FRMD4A: variants seen among roughly 807,000 people sequenced by gnomAD.
FRMD4A encodes the protein FERM domain-containing protein 4A.
A neutral mutation model predicts 129.1 loss-of-function variants in FRMD4A; 29 were observed. That is an observed-to-expected ratio of 0.22 (90% CI 0.17 to 0.31). The LOEUF (loss-of-function observed/expected upper bound fraction) is 0.31. Ranked by LOEUF, FRMD4A falls within the 10% of genes least tolerant of loss-of-function variation. FRMD4A has a pLI of 1.00. For synonymous variants in FRMD4A, 634 were observed against 571.6 expected, an observed-to-expected ratio of 1.11 and a Z score of -1.56; for missense variants, 1,272 against 1,375.8, an observed-to-expected ratio of 0.92 and a Z score of 1.19.
chr10:13,885,056 G>A (rs181241583), intron 2 of FRMD4A, among the ~76,000 whole-genome samples: 1 of 152,298 alleles, frequency 6.6e-6, no homozygotes, highest in East Asian at 1.9e-4. Context: ...CAAGGTTGGA[G>A]AGGGGGAAAT....
chr10:13,924,624 A>G (rs1374391694), intron 2 of FRMD4A, among the ~76,000 whole-genome samples: 1 of 152,024 alleles, frequency 6.6e-6, no homozygotes, highest in Non-Finnish European at 1.5e-5. Flanking sequence ...ATTTTTCTTC[A>G]TGATGTTACT....
intron 2 of FRMD4A, among the ~76,000 whole-genome samples, chr10:14,046,179 T>C (rs1480006883): frequency 6.6e-6 from 1 of 152,112 alleles, no homozygotes; most frequent in Non-Finnish European, 1.5e-5. Context: ...CTTTGATATA[T>C]TCTATCATGC....
chr10:13,989,624 G>A (rs2095596330), intron 2 of FRMD4A, among the ~76,000 whole-genome samples: 1 of 152,170 alleles, frequency 6.6e-6, no homozygotes, highest in Non-Finnish European at 1.5e-5. Context: ...AACGCGCCCA[G>A]CCAATAATTG....
At chr10:13,750,060 G>T (rs1013899901) in intron 8 of FRMD4A, among the ~76,000 whole-genome samples, 1 of 90,340 alleles carries the variant, frequency 1.1e-5, no homozygotes, top group Non-Finnish European at 2.1e-5. Context: ...AAGGAAGGAA[G>T]GAAGGAAGGA....
intron 24 of FRMD4A, chr10:13,651,581 G>GAGAATCGCTTGAACC (rs2081583363): frequency 3.7e-6 from 1 of 269,796 alleles, no homozygotes; most frequent in African/African-American, 2.2e-5. Context: ...AGGGAGCCAG[G>GAGAATCGCTTGAACC]AGAATCGCTT....
At chr10:14,013,774 A>G (rs2095689522) in intron 2 of FRMD4A, among the ~76,000 whole-genome samples, 1 of 152,158 alleles carries the variant, frequency 6.6e-6, no homozygotes, top group Non-Finnish European at 1.5e-5. Flanking sequence ...TCTACCAAAA[A>G]TACAAAATTA....
At chr10:14,306,590 T>C (rs1421423947) in intron 2 of FRMD4A, among the ~76,000 whole-genome samples, 1 of 152,224 alleles carries the variant, frequency 6.6e-6, no homozygotes, top group African/African-American at 2.4e-5. Context: ...AGGCCTCTGC[T>C]CATTTTCTCC....
At chr10:14,316,955 G>A (rs1470957756) in intron 2 of FRMD4A, among the ~76,000 whole-genome samples, 3 of 152,166 alleles carry the variant, frequency 2.0e-5, no homozygotes, top group Non-Finnish European at 4.4e-5. Context: ...GTTCCCATGT[G>A]AAACTCAAGA....
In FRMD4A at chr10:14,278,259, C is replaced by T. The variant is rs545549501; in HGVS notation, c.45+51799G>A. Among the ~76,000 whole-genome samples the T allele has an allele frequency of 9.6e-4, 146 of 152,278 alleles. 1 individual carries two copies. The Middle Eastern group carries it at 0.01, about 11-fold the overall frequency. On this transcript the variant is annotated intron_variant, in intron 2 of 24. Transcript: ENST00000357447. Reference sequence around the variant, plus strand: ...TTTGCAAAGATATAACAGCTGAGGGCATAACTGATTTCTAAATTTCCTTTT... The same window carrying T: ...TTTGCAAAGATATAACAGCTGAGGGTATAACTGATTTCTAAATTTCCTTTT...
intron 6 of FRMD4A, among the ~76,000 whole-genome samples, chr10:13,770,468 G>T (rs2092424905): frequency 6.6e-6 from 1 of 151,970 alleles, no homozygotes; most frequent in South Asian, 2.1e-4. Flanking sequence ...TGTTGAGACA[G>T]GGTCTTGCTC....
intron 14 of FRMD4A, among the ~76,000 whole-genome samples, chr10:13,695,110 C>T (rs184414500): frequency 6.6e-6 from 1 of 152,096 alleles, no homozygotes; most frequent in East Asian, 1.9e-4. Flanking sequence ...TCTATGTTCA[C>T]ATTGACATTC....
intron 5 of FRMD4A, among the ~76,000 whole-genome samples, chr10:13,795,788 C>T (rs550439831): frequency 1.4e-4 from 21 of 152,278 alleles, no homozygotes; most frequent in African/African-American, 4.8e-4. Context: ...CAGACTTTGC[C>T]CCTGAACCCC....
chr10:13,730,859 CAA>C (rs10639026), intron 12 of FRMD4A, among the ~76,000 whole-genome samples: 37 of 90,846 alleles, frequency 4.1e-4, no homozygotes, highest in Admixed American at 1.9e-3. Flanking sequence ...ACTAAAAATA[CAA>C]AAAAAAAAAA....
At chr10:14,039,446 A>AAATC (rs67956646) in intron 2 of FRMD4A, among the ~76,000 whole-genome samples, 1,284 of 110,598 alleles carry the variant, frequency 0.012, 16 homozygotes, top group Non-Finnish European at 0.012. Flanking sequence ...TGGAACCCCA[A>AAATC]AATCAATCAA....
Position 13,701,472 on chromosome 10 carries a change from T to C in FRMD4A, c.843A>G (p.Ser281=). The C allele has an allele frequency of 6.2e-7, 1 of 1,613,128 alleles. No individual in the cohort carries two copies. The highest frequency in any genetic ancestry group is 8.5e-7 in the Non-Finnish European group (1 of 1,179,440). The change falls in exon 14 of 25, where the codon TCA becomes TCG. Residue 281 remains serine, a synonymous_variant. Coordinates refer to ENST00000357447, the MANE Select transcript of FRMD4A (RefSeq NM_018027.5). ...SVEVHDPRRA[S]VTRRTFGHSG... ...TGTGCCCAAACGTCCTCCTTGTCAC[T>C]GAAGCCCTGGGGAAGCAAGAATCAC... is the stretch of plus-strand genomic sequence containing the variant.
chr10:13,921,972 G>A (rs745782574), intron 2 of FRMD4A, among the ~76,000 whole-genome samples: 1 of 152,172 alleles, frequency 6.6e-6, no homozygotes, highest in African/African-American at 2.4e-5. Context: ...TTTGGTAGGC[G>A]ATTAGGTGTA....
chr10:13,989,779 A>C (rs1005743124), intron 2 of FRMD4A, among the ~76,000 whole-genome samples: 3 of 152,222 alleles, frequency 2.0e-5, no homozygotes, highest in Admixed American at 6.5e-5. Context: ...CCCTATAGTT[A>C]AGAGTTGCCA....
chr10:13,678,033 A>T (rs1333459455), intron 15 of FRMD4A, among the ~76,000 whole-genome samples: 1 of 152,218 alleles, frequency 6.6e-6, no homozygotes, highest in African/African-American at 2.4e-5. Flanking sequence ...ACAAATTACA[A>T]ATGAAACTCA....
chr10:13,647,682 TAA>T (rs1470011270), intron 24 of FRMD4A: 1 of 150,738 alleles, frequency 6.6e-6, no homozygotes, highest in Non-Finnish European at 1.5e-5. Context: ...TTTGTGATTA[TAA>T]AAGTGTGTTC....
Sources: allele counts gnomAD v4.1 joint callset (sites outside exome capture counted in the v4.1 genomes callset), GRCh38; gene constraint gnomAD v4.1.1; transcripts MANE v1.5; gene names NCBI Gene and HGNC (gene_info 2026-07-23, HGNC 2026-07-21).